KLHL15: variants seen among roughly 807,000 people sequenced by gnomAD.
KLHL15 encodes the protein kelch-like protein 15.
KLHL15 carries 1 observed loss-of-function variant against 29.3 expected under a neutral mutation model. The ratio of observed to expected loss-of-function variants is 0.03; its 90% CI spans 0.01 to 0.16. The LOEUF is 0.16. KLHL15 is among the 10% of genes least tolerant of loss of function. The pLI, the probability that KLHL15 is intolerant of heterozygous loss-of-function variation, is 1.00. For missense variants in KLHL15, 215 were observed against 478.5 expected, an observed-to-expected ratio of 0.45 and a Z score of 5.14; for synonymous variants, 212 against 184.5, an observed-to-expected ratio of 1.15 and a Z score of -1.21.
In KLHL15 at chrX:23,987,803, A is replaced by C. The variant is rs1929012327; in HGVS notation, c.*118T>G. On this transcript the variant is annotated 3_prime_UTR_variant, in exon 4 of 4. Transcript: ENST00000328046. ...TAGCACAGAATGAAAAATTCTTACA[A>C]TGTTAGACCAATGGCTTTGATAGTA... 1.4e-5 allele frequency: 10 copies of C among 690,800 alleles called. No homozygotes were observed. Among genetic ancestry groups the C allele is most frequent in the Non-Finnish European group, 2.1e-5 (10 of 468,251 alleles). 56.9% of individuals were successfully genotyped at this position (690,800 alleles called of 1,213,427 possible).
intron 3 of KLHL15, among the ~76,000 whole-genome samples, chrX:23,995,598 T>A (rs1929171833): frequency 9.0e-6 from 1 of 110,696 alleles, no homozygotes; most frequent in South Asian, 3.8e-4. Context: ...TATATACAAA[T>A]TACCTTTAAA....
At chrX:24,001,945 A>G (rs920912771) in intron 3 of KLHL15, among the ~76,000 whole-genome samples, 3 of 107,933 alleles carry the variant, frequency 2.8e-5, no homozygotes, top group Non-Finnish European at 5.7e-5. Flanking sequence ...CATCCTGGCT[A>G]ACACAGTGAA....
chrX:24,016,010 ATTAG>A (rs1217605961), intron 2 of KLHL15, among the ~76,000 whole-genome samples: 3 of 108,300 alleles, frequency 2.8e-5, no homozygotes, highest in Non-Finnish European at 3.8e-5. Flanking sequence ...AAATTAATTA[ATTAG>A]TTAATTAATT....
At chrX:24,026,135 C>T (rs994648790) in intron 1 of KLHL15, among the ~76,000 whole-genome samples, 33 of 112,096 alleles carry the variant, frequency 2.9e-4, no homozygotes, top group Admixed American at 2.3e-3. Flanking sequence ...TGTAAGGCAA[C>T]TTGCAGTGGA....
At chrX:23,989,176 C>A in intron 3 of KLHL15, 146 bp from the exon 4 acceptor site, 4 of 463,638 alleles carry the variant, frequency 8.6e-6, no homozygotes, top group Non-Finnish European at 1.0e-5. Context: ...TTGTTTTCTA[C>A]AAAGCTTTTA....
intron 3 of KLHL15, among the ~76,000 whole-genome samples, chrX:23,991,161 T>C (rs1929075510): frequency 9.2e-6 from 1 of 109,111 alleles, no homozygotes; most frequent in African/African-American, 3.3e-5. Flanking sequence ...AAGACCAGCC[T>C]AGCCAACATG....
chrX:24,002,050 G>A (rs1057095281), intron 3 of KLHL15, among the ~76,000 whole-genome samples: 5 of 108,915 alleles, frequency 4.6e-5, no homozygotes, highest in East Asian at 2.9e-4. Flanking sequence ...GGAGAATGGC[G>A]TGAACCCGGC....
At chrX:24,025,574 C>T (rs757536664) in intron 1 of KLHL15, among the ~76,000 whole-genome samples, 2 of 108,831 alleles carry the variant, frequency 1.8e-5, no homozygotes, top group Non-Finnish European at 3.9e-5. Flanking sequence ...GAGGCCCCCC[C>T]CTCGGCCCCT....
chrX:24,007,508 A>ATATATAT (rs1555977010), intron 2 of KLHL15, among the ~76,000 whole-genome samples: 51 of 35,883 alleles, frequency 1.4e-3, no homozygotes, highest in African/African-American at 5.3e-3. Flanking sequence ...AAAAAAAAAA[A>ATATATAT]ATATATATAT....
At chrX:24,015,962 G>A (rs950004574) in intron 2 of KLHL15, among the ~76,000 whole-genome samples, 1 of 110,520 alleles carries the variant, frequency 9.0e-6, no homozygotes, top group Non-Finnish European at 1.9e-5. Flanking sequence ...TCGGGCCGCT[G>A]CACTCCAGCC....
intron 2 of KLHL15, among the ~76,000 whole-genome samples, chrX:24,011,873 G>A (rs912168105): frequency 8.9e-5 from 10 of 112,539 alleles, no homozygotes; most frequent in African/African-American, 3.2e-4. Flanking sequence ...GAGTAGGCCA[G>A]GTGCGGTGGC....
chrX:24,007,948 G>C (rs867964858), intron 2 of KLHL15, among the ~76,000 whole-genome samples: 1 of 110,010 alleles, frequency 9.1e-6, no homozygotes, highest in Non-Finnish European at 1.9e-5. Context: ...AGTGACTGCA[G>C]TATACTGAGT....
intron 2 of KLHL15, among the ~76,000 whole-genome samples, chrX:24,017,506 C>A (rs775081533): frequency 9.1e-6 from 1 of 110,448 alleles, no homozygotes; most frequent in African/African-American, 3.3e-5. Flanking sequence ...CAGAGTCAGG[C>A]GCAGTGGCTC....
At chrX:24,022,281 G>A (rs1390560253) in intron 2 of KLHL15, among the ~76,000 whole-genome samples, 11 of 104,323 alleles carry the variant, frequency 1.1e-4, no homozygotes, top group Non-Finnish European at 1.9e-4. Context: ...GTTGCAGTGA[G>A]CCGAGATCGC....
At chrX:24,026,410 C>T (rs779879731) in intron 1 of KLHL15, among the ~76,000 whole-genome samples, 1 of 112,081 alleles carries the variant, frequency 8.9e-6, no homozygotes, top group South Asian at 3.7e-4. Context: ...TAAAACTAGA[C>T]TATAGGACTG....
intron 3 of KLHL15, among the ~76,000 whole-genome samples, chrX:24,001,445 C>T (rs1235542754): frequency 9.0e-6 from 1 of 111,287 alleles, no homozygotes; most frequent in Non-Finnish European, 1.9e-5. Context: ...ACTAGAGAAT[C>T]AACATATGGG....
intron 3 of KLHL15, among the ~76,000 whole-genome samples, chrX:24,001,448 C>T (rs992262824): frequency 1.3e-4 from 15 of 111,426 alleles, no homozygotes; most frequent in African/African-American, 4.6e-4. Context: ...AGAGAATCAA[C>T]ATATGGGTAT....
At chrX:24,007,326 C>T (rs1274069927) in intron 2 of KLHL15, among the ~76,000 whole-genome samples, 1 of 107,335 alleles carries the variant, frequency 9.3e-6, no homozygotes, top group East Asian at 2.9e-4. Context: ...AACTCCAACT[C>T]TACTAAAAAT....
Position 23,986,737 on chromosome X carries a change from A to G in KLHL15, c.*1184T>C, listed in dbSNP as rs1407004994. 1.8e-5 allele frequency: 2 copies of G among 112,152 alleles called. No homozygotes were observed. The highest frequency in any genetic ancestry group is 3.8e-5 in the Non-Finnish European group (2 of 53,191). The allele number at this position is 112,152 out of a possible 1,213,427, so 9.2% of individuals were successfully genotyped here. On this transcript the variant is annotated 3_prime_UTR_variant, in exon 4 of 4. Coordinates refer to ENST00000328046, the MANE Select transcript of KLHL15 (RefSeq NM_030624.3). The stretch of plus-strand genomic sequence containing the variant: ...AGTAGATAAAACCAGTAACATTATA[A>G]TTCTATTTCTTACCTCTAAGTCAAA...
Sources: allele counts gnomAD v4.1 joint callset (sites outside exome capture counted in the v4.1 genomes callset), GRCh38; gene constraint gnomAD v4.1.1; transcripts MANE v1.5; gene names NCBI Gene and HGNC (gene_info 2026-07-23, HGNC 2026-07-21).